The following NALF1 variants were observed in gnomAD, a reference collection of about 807,000 sequenced individuals.
The protein encoded by NALF1 is NALCN channel auxiliary factor 1, also known as family with sequence similarity 155 member A.
NALF1 carries 3 observed loss-of-function variants against 48.4 expected under a neutral mutation model. The ratio of observed to expected loss-of-function variants is 0.06; its 90% CI spans 0.03 to 0.16. NALF1 has a LOEUF of 0.16. NALF1 is among the 10% of genes least tolerant of loss of function. The pLI is 1.00. For synonymous variants in NALF1, 262 were observed against 245.7 expected (o/e 1.07, Z -0.62); for missense variants, 526 against 571.5 (o/e 0.92, Z 0.81).
chr13:107,709,695 C>T (rs2138517957), intron 1 of NALF1, among the ~76,000 whole-genome samples: 1 of 152,330 alleles, frequency 6.6e-6, no homozygotes, highest in Non-Finnish European at 1.5e-5. Context: ...TCTCAACATG[C>T]ATATGGATTT....
At chr13:107,733,295 C>A (rs1460812828) in intron 1 of NALF1, among the ~76,000 whole-genome samples, 1 of 152,194 alleles carries the variant, frequency 6.6e-6, no homozygotes, top group African/African-American at 2.4e-5. Flanking sequence ...AAAGCACTTT[C>A]TTTTTCTTGT....
chr13:107,392,024 C>G (rs1883635587), intron 1 of NALF1, among the ~76,000 whole-genome samples: 1 of 151,954 alleles, frequency 6.6e-6, no homozygotes, highest in African/African-American at 2.4e-5. Context: ...AAGTCATGGT[C>G]TCAGTTTAGG....
At chr13:107,184,906 C>T (rs560829221) in intron 2 of NALF1, among the ~76,000 whole-genome samples, 2 of 152,212 alleles carry the variant, frequency 1.3e-5, no homozygotes, top group South Asian at 2.1e-4. Context: ...CAGAATGGGA[C>T]CTTATTTGGA....
chr13:107,165,005 G>T lies in NALF1; in HGVS notation c.*5492C>A, dbSNP rs1474125590. 1 of 152,146 alleles carries T rather than the reference G, an allele frequency of 6.6e-6. No homozygotes were observed. Among genetic ancestry groups the T allele is most frequent in the Non-Finnish European group, 1.5e-5 (1 of 68,034 alleles). 9.4% of individuals were successfully genotyped at this position (152,146 alleles called of 1,614,324 possible). On this transcript the variant is annotated 3_prime_UTR_variant, in exon 3 of 3. Transcript: ENST00000375915. Reference sequence around the variant, plus strand: ...AATGTTGCCACGAAGTATTCTTCTTGCATGAGGTGTCACGTACAAATACAT... The same window carrying T: ...AATGTTGCCACGAAGTATTCTTCTTTCATGAGGTGTCACGTACAAATACAT...
intron 1 of NALF1, among the ~76,000 whole-genome samples, chr13:107,252,703 G>C (rs1408529883): frequency 1.3e-5 from 2 of 152,136 alleles, no homozygotes; most frequent in Non-Finnish European, 2.9e-5. Flanking sequence ...GGAATGCCAG[G>C]TGGGACCACG....
At chr13:107,759,284 C>CT (rs1204600409) in intron 1 of NALF1, among the ~76,000 whole-genome samples, 1 of 152,218 alleles carries the variant, frequency 6.6e-6, no homozygotes, top group Non-Finnish European at 1.5e-5. Flanking sequence ...TCTCAGCTCA[C>CT]TGGATCCTCT....
Position 107,362,947 on chromosome 13 carries a change from A to AT in NALF1, c.916-152193dup, listed in dbSNP as rs1328389314. 6.6e-6 allele frequency among the ~76,000 whole-genome samples: 1 copy of AT among 152,194 alleles called. No individual in the cohort carries two copies. Among genetic ancestry groups the AT allele is most frequent in the Non-Finnish European group, 1.5e-5 (1 of 68,046 alleles). On this transcript the variant is annotated intron_variant, in intron 1 of 2. Transcript: ENST00000375915. This position sits in a 1 kb window ranked among gnomAD's most constrained non-coding sequence, Gnocchi z 4.6. ...TTATATCCCTTTTCATAGAACTATGATGTCCCCAAGACTCAAAAGCTTACC... is the reference window on the plus strand; with the variant it reads ...TTATATCCCTTTTCATAGAACTATGATTGTCCCCAAGACTCAAAAGCTTACC...
intron 1 of NALF1, among the ~76,000 whole-genome samples, chr13:107,544,096 A>G (rs939038758): frequency 2.0e-5 from 3 of 152,186 alleles, no homozygotes; most frequent in African/African-American, 7.2e-5. Flanking sequence ...CCCTTCTGCT[A>G]GAATTAATGA....
chr13:107,602,768 T>C (rs1047298847), intron 1 of NALF1, among the ~76,000 whole-genome samples: 4 of 152,248 alleles, frequency 2.6e-5, no homozygotes, highest in Admixed American at 6.5e-5. Context: ...AGTTTTCATA[T>C]GGATCCATCC....
At chr13:107,631,317 A>C (rs1879828330) in intron 1 of NALF1, among the ~76,000 whole-genome samples, 1 of 152,174 alleles carries the variant, frequency 6.6e-6, no homozygotes. Flanking sequence ...GACCTTATGC[A>C]CATGCCTTCC....
chr13:107,192,696 T>C (rs1879308845), intron 2 of NALF1, among the ~76,000 whole-genome samples: 1 of 152,230 alleles, frequency 6.6e-6, no homozygotes, highest in African/African-American at 2.4e-5. Context: ...AGAGGGTTTG[T>C]GGCTATCATA....
intron 1 of NALF1, among the ~76,000 whole-genome samples, chr13:107,539,054 A>G (rs1876924118): frequency 6.6e-6 from 1 of 152,026 alleles, no homozygotes; most frequent in Admixed American, 6.6e-5. Context: ...ATTAGTAAAC[A>G]ACACACATGT....
At chr13:107,739,076 C>T (rs1032998696) in intron 1 of NALF1, among the ~76,000 whole-genome samples, 2 of 152,016 alleles carry the variant, frequency 1.3e-5, no homozygotes, top group Non-Finnish European at 2.9e-5. Context: ...AACCAAACAC[C>T]GCATGTTCCA....
At chr13:107,436,047 T>C (rs1325910640) in intron 1 of NALF1, among the ~76,000 whole-genome samples, 1 of 152,116 alleles carries the variant, frequency 6.6e-6, no homozygotes, top group Non-Finnish European at 1.5e-5. Context: ...ATAAAATCAC[T>C]AGGTCAAAAG....
intron 1 of NALF1, among the ~76,000 whole-genome samples, chr13:107,542,310 T>C (rs1046797387): frequency 6.6e-6 from 1 of 152,050 alleles, no homozygotes; most frequent in South Asian, 2.1e-4. Flanking sequence ...AGGTGAGTGG[T>C]TGCTTCAGGC....
chr13:107,219,852 T>A (rs949919699), intron 1 of NALF1, among the ~76,000 whole-genome samples: 1 of 152,210 alleles, frequency 6.6e-6, no homozygotes, highest in African/African-American at 2.4e-5. Flanking sequence ...CTTTGTCATA[T>A]AATCCAAAGT....
At chr13:107,556,619 G>C (rs1481508454) in intron 1 of NALF1, among the ~76,000 whole-genome samples, 1 of 152,022 alleles carries the variant, frequency 6.6e-6, no homozygotes, top group African/African-American at 2.4e-5. Context: ...AGCCTCCCAA[G>C]TAGCTCGGAT....
chr13:107,745,974 T>A (rs544891966), intron 1 of NALF1, among the ~76,000 whole-genome samples: 64 of 152,312 alleles, frequency 4.2e-4, no homozygotes, highest in African/African-American at 1.5e-3. Context: ...TTATTTACAT[T>A]TCATTCTGCT....
At chr13:107,292,992 CTTTTTTTT>C in intron 1 of NALF1, among the ~76,000 whole-genome samples, 1 of 110,636 alleles carries the variant, frequency 9.0e-6, no homozygotes, top group African/African-American at 3.3e-5. Context: ...TTTTCTTTTT[CTTTTTTTT>C]TTTTTTTTTG....
Sources: gnomAD v4.1 joint callset for allele counts (sites outside exome capture counted in the v4.1 genomes callset) on GRCh38, gnomAD v4.1.1 for gene constraint, Gnocchi (gnomAD v3.1) non-coding constraint, MANE v1.5 for transcripts, NCBI Gene and HGNC (gene_info 2026-07-23, HGNC 2026-07-21) for gene names.